Variants in CAMKMT observed in about 807,000 individuals in gnomAD.
The protein encoded by CAMKMT is CaM KMT.
A neutral mutation model predicts 48.0 loss-of-function variants in CAMKMT; 53 were observed. The ratio of observed to expected loss-of-function variants is 1.10; its 90% CI spans 0.89 to 1.39. CAMKMT has a LOEUF of 1.39. CAMKMT is among the 40% of genes most tolerant of loss of function. The pLI, the probability that CAMKMT is intolerant of heterozygous loss-of-function variation, is 0.00. For synonymous variants in CAMKMT, 165 were observed against 152.3 expected (o/e 1.08, Z -0.61); for missense variants, 428 against 402.7 (o/e 1.06, Z -0.54).
intron 3 of CAMKMT, among the ~76,000 whole-genome samples, chr2:44,647,632 A>G (rs984947974): frequency 1.3e-5 from 2 of 152,034 alleles, no homozygotes; most frequent in Non-Finnish European, 2.9e-5. Context: ...TGGGCCGGGC[A>G]CAGTGGCTCA....
chr2:44,672,510 T>C (rs1368843780), intron 3 of CAMKMT, among the ~76,000 whole-genome samples: 1 of 152,224 alleles, frequency 6.6e-6, no homozygotes, highest in Non-Finnish European at 1.5e-5. Context: ...ATTTGTACCA[T>C]TAGGCCACTG....
chr2:44,500,337 T>C (rs533858683), intron 3 of CAMKMT, among the ~76,000 whole-genome samples: 1 of 152,310 alleles, frequency 6.6e-6, no homozygotes, highest in South Asian at 2.1e-4. Flanking sequence ...GAGCTTGTCT[T>C]ATTTAAAATA....
chr2:44,395,629 G>C (rs1371390760), intron 3 of CAMKMT, among the ~76,000 whole-genome samples: 1 of 152,084 alleles, frequency 6.6e-6, no homozygotes, highest in African/African-American at 2.4e-5. Flanking sequence ...CTTTGTACAA[G>C]TCTTAACTCC....
chr2:44,633,706 C>T lies in CAMKMT; in HGVS notation c.377-70577C>T, dbSNP rs1045077631. Among the ~76,000 whole-genome samples the T allele has an allele frequency of 2.6e-5, 4 of 151,878 alleles. No individual in the cohort carries two copies. In the South Asian group the frequency reaches 8.3e-4, roughly 32 times the overall value. On this transcript the variant is annotated intron_variant, in intron 3 of 10. Transcript: ENST00000378494. ...ATCCTTTTATATACTTGTTGTTTTGCTAAATCCATCATCTTTGTCACTTCT... is the reference window on the plus strand; with the variant it reads ...ATCCTTTTATATACTTGTTGTTTTGTTAAATCCATCATCTTTGTCACTTCT...
At chr2:44,667,948 C>T (rs980882594) in intron 3 of CAMKMT, among the ~76,000 whole-genome samples, 11 of 152,180 alleles carry the variant, frequency 7.2e-5, no homozygotes, top group African/African-American at 2.2e-4. Flanking sequence ...GACACTCAGC[C>T]TCTATGCCCC....
At chr2:44,401,520 G>A (rs1313444167) in intron 3 of CAMKMT, among the ~76,000 whole-genome samples, 1 of 151,692 alleles carries the variant, frequency 6.6e-6, no homozygotes, top group Non-Finnish European at 1.5e-5. Context: ...TTGTGTCACT[G>A]CACTCCAGAC....
At chr2:44,660,411 A>G (rs1461113718) in intron 3 of CAMKMT, among the ~76,000 whole-genome samples, 7 of 152,256 alleles carry the variant, frequency 4.6e-5, no homozygotes, top group South Asian at 4.1e-4. Context: ...CTGCTGCTGT[A>G]TAGAAGATAG....
chr2:44,748,148 C>A (rs1415870918), intron 8 of CAMKMT, among the ~76,000 whole-genome samples: 1 of 152,150 alleles, frequency 6.6e-6, no homozygotes, highest in African/African-American at 2.4e-5. Flanking sequence ...GTTATAAATT[C>A]TGCATCAGAG....
At chr2:44,408,639 A>G (rs1380233433) in intron 3 of CAMKMT, among the ~76,000 whole-genome samples, 2 of 152,038 alleles carry the variant, frequency 1.3e-5, no homozygotes, top group Non-Finnish European at 2.9e-5. Flanking sequence ...CAAAGTCTGA[A>G]CTCATTTTGT....
At chr2:44,682,442 G>T (rs898516776) in intron 3 of CAMKMT, among the ~76,000 whole-genome samples, 1 of 152,206 alleles carries the variant, frequency 6.6e-6, no homozygotes, top group Non-Finnish European at 1.5e-5. Flanking sequence ...TAGAAGAGGT[G>T]TAAGCAATTT....
chr2:44,477,737 G>T (rs965709713), intron 3 of CAMKMT, among the ~76,000 whole-genome samples: 68 of 152,168 alleles, frequency 4.5e-4, no homozygotes, highest in African/African-American at 1.4e-3. Flanking sequence ...ATAGTCATTT[G>T]AAGAAAATGG....
chr2:44,740,399 G>C (rs1310146278), intron 7 of CAMKMT, among the ~76,000 whole-genome samples: 1 of 152,096 alleles, frequency 6.6e-6, no homozygotes, highest in Non-Finnish European at 1.5e-5. Context: ...CAAAGTGCTA[G>C]GATTACAGGC....
intron 3 of CAMKMT, among the ~76,000 whole-genome samples, chr2:44,419,976 T>C (rs1683821965): frequency 6.6e-6 from 1 of 152,178 alleles, no homozygotes; most frequent in South Asian, 2.1e-4. Context: ...CATTGTTTCT[T>C]TTTTTAGTAT....
chr2:44,729,434 T>C (rs957924081), intron 7 of CAMKMT, among the ~76,000 whole-genome samples: 2 of 152,130 alleles, frequency 1.3e-5, no homozygotes, highest in African/African-American at 4.8e-5. Context: ...GAGAGCAAGG[T>C]TGATGGCTCA....
At chr2:44,434,615 T>G (rs1280477625) in intron 3 of CAMKMT, among the ~76,000 whole-genome samples, 1 of 152,194 alleles carries the variant, frequency 6.6e-6, no homozygotes, top group Non-Finnish European at 1.5e-5. Context: ...TTATTCAATA[T>G]TGTCTCCCCA....
intron 3 of CAMKMT, among the ~76,000 whole-genome samples, chr2:44,646,309 GTTTTTGT>G (rs1673727066): frequency 7.2e-6 from 1 of 139,156 alleles, no homozygotes; most frequent in African/African-American, 2.6e-5. Flanking sequence ...AATCTTGTTT[GTTTTTGT>G]TTTTTGTTTT....
chr2:44,523,507 C>G (rs1671233588), intron 3 of CAMKMT, among the ~76,000 whole-genome samples: 1 of 151,902 alleles, frequency 6.6e-6, no homozygotes, highest in African/African-American at 2.4e-5. Context: ...GTTGGCCAGG[C>G]TGGTCTTGAA....
intron 9 of CAMKMT, among the ~76,000 whole-genome samples, chr2:44,760,819 C>T (rs748336231): frequency 1.3e-5 from 2 of 152,052 alleles, no homozygotes; most frequent in African/African-American, 2.4e-5. Flanking sequence ...CTCAGAGGTC[C>T]AGTGTGGACC....
rs1674453133 is a variant in CAMKMT at position 44,657,741 on chromosome 2, A to T, written c.377-46542A>T. On this transcript the variant is annotated intron_variant, in intron 3 of 10. Coordinates refer to ENST00000378494, the MANE Select transcript of CAMKMT (RefSeq NM_024766.5). This position sits in a 1 kb window ranked among gnomAD's most constrained non-coding sequence, Gnocchi z 4.3. ...TACTTTGTAGATTTTTAGGACCAAA[A>T]AAAGCTTATTTTGGTAACCGAATAA... Among the ~76,000 whole-genome samples the T allele has an allele frequency of 6.6e-6, 1 of 152,180 alleles. No individual in the cohort carries two copies. Among genetic ancestry groups the T allele is most frequent in the Non-Finnish European group, 1.5e-5 (1 of 68,030 alleles).
Sources: gnomAD v4.1 joint callset for allele counts (sites outside exome capture counted in the v4.1 genomes callset) on GRCh38, gnomAD v4.1.1 for gene constraint, Gnocchi (gnomAD v3.1) non-coding constraint, MANE v1.5 for transcripts, NCBI Gene and HGNC (gene_info 2026-07-23, HGNC 2026-07-21) for gene names.